PREPL: variants seen among roughly 807,000 people sequenced by gnomAD.
PREPL encodes the protein prolyl endopeptidase-like.
PREPL carries 77 observed loss-of-function variants against 70.6 expected under a neutral mutation model. The ratio of observed to expected loss-of-function variants is 1.09; its 90% CI spans 0.91 to 1.32. The LOEUF (loss-of-function observed/expected upper bound fraction) is 1.32, where lower values mean the gene tolerates loss of function less well. Ranked by LOEUF, PREPL falls within the 40% of genes most tolerant of loss-of-function variation. The pLI is 0.00. For missense variants in PREPL, 1,002 were observed against 778.2 expected (o/e 1.29, Z -3.42); for synonymous variants, 315 against 264.8 (o/e 1.19, Z -1.84).
chr2:44,343,810 C>A lies in PREPL; in HGVS notation c.284G>T (p.Cys95Phe), dbSNP rs199804768. The A allele has an allele frequency of 6.2e-7, 1 of 1,613,948 alleles. No individual in the cohort carries two copies. Residue 95 changes from cysteine (C) to phenylalanine (F), a missense_variant, in exon 4 of 14, where the codon TGT becomes TTT. Coordinates refer to ENST00000409411, the MANE Select transcript of PREPL (RefSeq NM_001171613.2). Reference protein sequence around the residue: ...IRTEDSEASTCVIIKLSDQPV... With the variant: ...IRTEDSEASTFVIIKLSDQPV... ...CTGATCGCTGAGCTTTATAATTACACAGGTAGATGCTTCAGAATCTTCAGT... is the reference window on the plus strand; with the variant it reads ...CTGATCGCTGAGCTTTATAATTACAAAGGTAGATGCTTCAGAATCTTCAGT...
At chr2:44,342,288 G>A in intron 5 of PREPL, 129 bp downstream of exon 5, 4 of 790,264 alleles carry the variant, frequency 5.1e-6, no homozygotes, top group Non-Finnish European at 7.5e-6. Context: ...ACTAATAAAA[G>A]AATGATCGTT....
chr2:44,353,506 T>G (rs1336092036), intron 1 of PREPL, among the ~76,000 whole-genome samples: 1 of 151,752 alleles, frequency 6.6e-6, no homozygotes, highest in Non-Finnish European at 1.5e-5. Context: ...GAGAATTGTT[T>G]GAATCTGGGA....
chr2:44,338,579 G>A (rs771498625), intron 6 of PREPL, 43 bp from the exon 7 acceptor site: 2 of 1,468,962 alleles, frequency 1.4e-6, no homozygotes, highest in East Asian at 2.3e-5. Flanking sequence ...AAGAAAACAC[G>A]AAGGCTGCAG....
intron 1 of PREPL, among the ~76,000 whole-genome samples, chr2:44,355,752 T>TATATATATATATATATATAC (rs1491404110): frequency 1.4e-4 from 10 of 72,980 alleles, no homozygotes; most frequent in African/African-American, 9.9e-4. Context: ...AACTACATAT[T>TATATATATATATATATATAC]ATATATATAT....
intron 10 of PREPL, among the ~76,000 whole-genome samples, chr2:44,324,890 A>AAAAACAAAAC (rs1009384860): frequency 3.9e-5 from 6 of 152,194 alleles, no homozygotes; most frequent in African/African-American, 1.4e-4. Flanking sequence ...CTCTGACTCA[A>AAAAACAAAAC]AAAACAAAAC....
chr2:44,321,927 T>A (rs949887377), intron 12 of PREPL, 27 bp from the exon 13 acceptor site: 6 of 1,599,342 alleles, frequency 3.8e-6, no homozygotes, highest in Non-Finnish European at 5.1e-6. Flanking sequence ...GTAGAACAAT[T>A]AGAAGATTGT....
Position 44,323,291 on chromosome 2 carries a change from A to T in PREPL, c.1600T>A (p.Tyr534Asn). The T allele has an allele frequency of 6.2e-7, 1 of 1,607,336 alleles. No homozygotes were observed. Among genetic ancestry groups the T allele is most frequent in the East Asian group, 2.2e-5 (1 of 44,690 alleles). Residue 534 changes from tyrosine (Y) to asparagine (N), a missense_variant, in exon 11 of 14, where the codon TAC becomes AAC. By Grantham distance (143) the Tyr-to-Asn change is moderately radical. Coordinates refer to ENST00000409411, the MANE Select transcript of PREPL (RefSeq NM_001171613.2). ...GGTTTAATATTTTGATAGGGACAGT[A>T]ACGTTTTATGTAGTTCTTGTGTTTT... ...DEKHKNYIKR[Y>N]CPYQNIKPQH...
intron 1 of PREPL, among the ~76,000 whole-genome samples, chr2:44,352,137 C>T (rs529337834): frequency 6.6e-6 from 1 of 152,316 alleles, no homozygotes; most frequent in Admixed American, 6.5e-5. Context: ...CTTTCCTAAC[C>T]ATTTTACTAA....
At chr2:44,351,523 A>C (rs977341566) in intron 1 of PREPL, among the ~76,000 whole-genome samples, 27 of 152,118 alleles carry the variant, frequency 1.8e-4, no homozygotes, top group African/African-American at 6.3e-4. Context: ...TTAAAAAAAA[A>C]AAAAACAAAA....
intron 13 of PREPL, 174 bp downstream of exon 13, chr2:44,321,653 G>C (rs530439504): frequency 7.2e-6 from 11 of 1,519,616 alleles, no homozygotes; most frequent in African/African-American, 2.8e-5. Flanking sequence ...AAGTACAAGA[G>C]AGAGACATTT....
At chr2:44,326,977 T>G (rs1553352887) in intron 9 of PREPL, 49 bp from the exon 10 acceptor site, 1 of 1,517,172 alleles carries the variant, frequency 6.6e-7, no homozygotes, top group South Asian at 1.2e-5. Flanking sequence ...AAGTTAATAC[T>G]GTAGGCTGGG....
At chr2:44,345,451 A>C (rs935755852) in intron 2 of PREPL, among the ~76,000 whole-genome samples, 4 of 151,952 alleles carry the variant, frequency 2.6e-5, no homozygotes, top group Admixed American at 6.6e-5. Flanking sequence ...TCCTGAGTTC[A>C]AGTGATTCTC....
chr2:44,331,946 CTT>C (rs35003986), intron 8 of PREPL, among the ~76,000 whole-genome samples: 67,415 of 121,110 alleles, frequency 0.56, 16,549 homozygotes, highest in Non-Finnish European at 0.59. Flanking sequence ...TATAAATTTT[CTT>C]TTTTTTTTTT....
upstream of PREPL, chr2:44,361,851 AG>A (rs1677865036): frequency 7.7e-7 from 1 of 1,301,990 alleles, no homozygotes; most frequent in Non-Finnish European, 9.8e-7. Context: ...AGGAGATGCG[AG>A]TACCGGAAAT....
At chr2:44,346,514 G>A in intron 1 of PREPL, 124 bp from the exon 2 acceptor site, 1 of 855,542 alleles carries the variant, frequency 1.2e-6, no homozygotes, top group South Asian at 1.6e-5. Context: ...AGATTAAATA[G>A]TAGGTATTTC....
intron 1 of PREPL, among the ~76,000 whole-genome samples, chr2:44,354,616 C>G (rs1476071501): frequency 6.6e-6 from 1 of 152,032 alleles, no homozygotes; most frequent in African/African-American, 2.4e-5. Flanking sequence ...TCCCATCACA[C>G]CAGGCTGGAG....
In PREPL at chr2:44,320,557, A is replaced by G. The variant is rs1367475597; in HGVS notation, c.*799T>C. On this transcript the variant is annotated 3_prime_UTR_variant, in exon 14 of 14. Transcript: ENST00000409411. ...AACACGAAGAATCTCCTTCATCGCC[A>G]AACAGCTTTCAGAGATAGATGCTTT... 6.8e-6 allele frequency: 11 copies of G among 1,613,962 alleles called. No homozygotes were observed. The highest frequency in any genetic ancestry group is 8.5e-6 in the Non-Finnish European group (10 of 1,179,942).
chr2:44,361,197 C>T (rs1018924569), intron 1 of PREPL, among the ~76,000 whole-genome samples, 183 bp downstream of exon 1: 1 of 152,164 alleles, frequency 6.6e-6, no homozygotes, highest in Middle Eastern at 3.2e-3. Context: ...TATTCGTTTA[C>T]CCCGTGCAAC....
In PREPL at chr2:44,319,339, T is replaced by TAGAAA; in HGVS notation, c.*2016_*2017insTTTCT. ...TTATGTATCAAGTGCCCATACTCTT[T>TAGAAA]GACAAAGTAACTGTCTTTCTGATAA... On this transcript the variant is annotated 3_prime_UTR_variant, in exon 14 of 14. Transcript: ENST00000409411. The TAGAAA allele has an allele frequency of 6.6e-6, 1 of 152,232 alleles. No individual in the cohort carries two copies. The highest frequency in any genetic ancestry group is 1.5e-5 in the Non-Finnish European group (1 of 67,780). 9.4% of individuals were successfully genotyped at this position (152,232 alleles called of 1,614,324 possible).
Sources: allele counts gnomAD v4.1 joint callset (sites outside exome capture counted in the v4.1 genomes callset), GRCh38; gene constraint gnomAD v4.1.1; transcripts MANE v1.5; gene names NCBI Gene and HGNC (gene_info 2026-07-23, HGNC 2026-07-21).